Variants in COL5A1 observed in about 807,000 individuals in gnomAD.
COL5A1 encodes the protein collagen alpha-1(V) chain.
Under a neutral mutation model 263.7 loss-of-function variants are expected in COL5A1, and 16 were observed. The observed-to-expected ratio is 0.06, with a 90% CI of 0.04 to 0.09. The LOEUF is 0.09. Ranked by LOEUF, COL5A1 falls within the 10% of genes least tolerant of loss-of-function variation. The pLI is 1.00. For synonymous variants in COL5A1, 1,012 were observed against 1,004.5 expected (o/e 1.01, Z -0.14); for missense variants, 2,036 against 2,540.5 (o/e 0.80, Z 4.27).
chr9:134,830,588 T>C (rs1413460873), intron 64 of COL5A1, among the ~76,000 whole-genome samples: 1 of 152,132 alleles, frequency 6.6e-6, no homozygotes. Context: ...CAGAGCTCCT[T>C]CTAGGACCTG....
intron 10 of COL5A1, 77 bp from the exon 11 acceptor site, chr9:134,738,669 T>C: frequency 8.1e-7 from 1 of 1,241,766 alleles, no homozygotes; most frequent in South Asian, 1.2e-5. Context: ...CACCTCTGCC[T>C]TGGTTGGCCA....
rs1016547074 is a variant in COL5A1, at chr9:134,711,716, C to T, written c.654+10383C>T. Among the ~76,000 whole-genome samples the T allele has an allele frequency of 6.6e-5, 10 of 152,164 alleles. 1 individual carries two copies. The East Asian group carries it at 7.7e-4, about 12-fold the overall frequency. On this transcript the variant is annotated intron_variant, in intron 4 of 65. Coordinates refer to ENST00000371817, the MANE Select transcript of COL5A1 (RefSeq NM_000093.5). ...TCCCATACTTAGGTGAAGAGGGGCA[C>T]GGCTTGGGGTCCCGGATAGGAGGCT...
intron 11 of COL5A1, among the ~76,000 whole-genome samples, 174 bp from the exon 12 acceptor site, chr9:134,750,368 C>T (rs1835729668): frequency 6.6e-6 from 1 of 152,226 alleles, no homozygotes. Flanking sequence ...AGCCGTGCCC[C>T]TCCCTTCTCC....
At chr9:134,810,451 T>C in intron 44 of COL5A1, 143 bp downstream of exon 44, 1 of 762,014 alleles carries the variant, frequency 1.3e-6, no homozygotes, top group South Asian at 1.7e-5. Flanking sequence ...CGTGCATGTG[T>C]GTTCCCACAA....
rs1017082653 is a variant in COL5A1, at chr9:134,757,747, C to T, written c.1882-496C>T. 1.6e-4 allele frequency among the ~76,000 whole-genome samples: 25 copies of T among 152,184 alleles called. No homozygotes were observed. The highest frequency in any genetic ancestry group is 6.0e-4 in the African/African-American group (25 of 41,456). ...CCCTGTTCCCGGGCTCCAGGGCATG[C>T]AGAAGAGGGGCCGGCCAGAGAGCCA... On this transcript the variant is annotated intron_variant, in intron 17 of 65. Coordinates refer to ENST00000371817, the MANE Select transcript of COL5A1 (RefSeq NM_000093.5). This position sits in a 1 kb window ranked among gnomAD's most constrained non-coding sequence, Gnocchi z 6.2.
Position 134,805,213 on chromosome 9 carries a change from C to A in COL5A1, c.3257C>A (p.Ala1086Glu), listed in dbSNP as rs774849517. ...GGGCCCCCTGGCCCACCAGGCCCTGCGGTGAGTCAAAGCCTTTGTCCCATC... is the reference window on the plus strand; with the variant it reads ...GGGCCCCCTGGCCCACCAGGCCCTGAGGTGAGTCAAAGCCTTTGTCCCATC... Reference protein sequence around the residue: ...NEGPPGPPGPAGSPGERGPAG... With the variant: ...NEGPPGPPGPEGSPGERGPAG... Residue 1086 changes from alanine to glutamate, a missense_variant and splice_region_variant, in exon 41 of 66, where the codon GCG becomes GAG. Around this residue, in one of 3 missense-constraint regions of COL5A1, gnomAD observed 1,078 missense variants for 1,521.4 expected, o/e 0.71. Transcript: ENST00000371817. The A allele has an allele frequency of 6.2e-7, 1 of 1,613,892 alleles. No homozygotes were observed. Among genetic ancestry groups the A allele is most frequent in the Non-Finnish European group, 8.5e-7 (1 of 1,179,992 alleles).
rs1274412604 is a variant in COL5A1 at position 134,700,052 on chromosome 9, G to C, written c.421G>C (p.Glu141Gln). Residue 141 changes from glutamate to glutamine, a missense_variant, in exon 3 of 66, where the codon GAG (glutamate) becomes CAG (glutamine). By Grantham distance (29) the Glu-to-Gln change is conservative (BLOSUM62 2). Coordinates refer to ENST00000371817, the MANE Select transcript of COL5A1 (RefSeq NM_000093.5). The surrounding 1 kb of genome is among the most constrained non-coding windows in gnomAD (Gnocchi z 4.0). ...ELGRSPVFLY[E>Q]DHTGKPGPED... Reference sequence around the variant, plus strand: ...GGGCCGCTCTCCCGTCTTCCTCTACGAGGACCACACGGGGAAGCCTGGCCC... The same window carrying C: ...GGGCCGCTCTCCCGTCTTCCTCTACCAGGACCACACGGGGAAGCCTGGCCC... 6.2e-7 allele frequency: 1 copy of C among 1,613,124 alleles called. No homozygotes were observed. Among genetic ancestry groups the C allele is most frequent in the African/African-American group, 1.3e-5 (1 of 74,940 alleles).
intron 42 of COL5A1, among the ~76,000 whole-genome samples, chr9:134,807,230 G>A (rs1838327212): frequency 6.6e-6 from 1 of 152,220 alleles, no homozygotes; most frequent in East Asian, 1.9e-4. Flanking sequence ...AGGGGAATTG[G>A]CAGATAATCG....
rs998962190 is a variant in COL5A1, at chr9:134,755,176, G to T, written c.1827+850G>T. 6.6e-6 allele frequency among the ~76,000 whole-genome samples: 1 copy of T among 152,194 alleles called. No homozygotes were observed. Among genetic ancestry groups the T allele is most frequent in the South Asian group, 2.1e-4 (1 of 4,838 alleles). On this transcript the variant is annotated intron_variant, in intron 16 of 65. Coordinates refer to ENST00000371817, the MANE Select transcript of COL5A1 (RefSeq NM_000093.5). The surrounding 1 kb of genome is among the most constrained non-coding windows in gnomAD (Gnocchi z 4.1). ...ATCTGGGCATGAAACAGAGGCCTGG[G>T]CTGGATAATTCCAGGAGGATTAGCA...
chr9:134,783,870 G>A (rs1564456232), intron 29 of COL5A1, among the ~76,000 whole-genome samples: 3 of 152,202 alleles, frequency 2.0e-5, no homozygotes, highest in Non-Finnish European at 4.4e-5. Flanking sequence ...ACATCCCAGC[G>A]GCTTCTCGGT....
chr9:134,815,243 C>T (rs1444119282), intron 50 of COL5A1, among the ~76,000 whole-genome samples: 3 of 152,234 alleles, frequency 2.0e-5, no homozygotes, highest in Admixed American at 6.5e-5. Flanking sequence ...CGGAGAGGCA[C>T]ATTCCGGAAG....
At chr9:134,667,107 A>G (rs1381721710) in intron 1 of COL5A1, among the ~76,000 whole-genome samples, 3 of 152,134 alleles carry the variant, frequency 2.0e-5, no homozygotes, top group African/African-American at 7.2e-5. Flanking sequence ...ATTGCCAGGA[A>G]CCATACGACT....
At chr9:134,756,450 C>T (rs961977850) in intron 16 of COL5A1, among the ~76,000 whole-genome samples, 8 of 152,222 alleles carry the variant, frequency 5.3e-5, no homozygotes, top group East Asian at 1.9e-4. Flanking sequence ...CTCCTCCAGC[C>T]GGGTCTCCTC....
At chr9:134,831,677 T>C (rs1487314752) in intron 64 of COL5A1, among the ~76,000 whole-genome samples, 1 of 152,190 alleles carries the variant, frequency 6.6e-6, no homozygotes, top group Admixed American at 6.5e-5. Context: ...CTCCCCGCAA[T>C]GACAGCTCTC....
intron 1 of COL5A1, among the ~76,000 whole-genome samples, chr9:134,679,491 A>G (rs867774661): frequency 2.4e-3 from 12 of 4,994 alleles, no homozygotes; most frequent in African/African-American, 5.7e-3. Context: ...GGGGCTGGTT[A>G]GGGGCACTGT....
chr9:134,824,876 G>T lies in COL5A1; in HGVS notation c.4954+21G>T, dbSNP rs143914892. On this transcript the variant is annotated intron_variant, in intron 62 of 65. Transcript: ENST00000371817. ...AGATGGTGAGGGCCTGGGGGGGCAGGGGTGGCCCCCCAAAGCGGGCATGGA... is the reference window on the plus strand; with the variant it reads ...AGATGGTGAGGGCCTGGGGGGGCAGTGGTGGCCCCCCAAAGCGGGCATGGA... 1.1e-3 allele frequency: 1,820 copies of T among 1,603,050 alleles called. 21 individuals are homozygous for T. The African/African-American group carries it at 0.021, about 19-fold the overall frequency.
At position 134,730,102 on chromosome 9, in the gene COL5A1, C is replaced by T. The variant is rs1834822879; in HGVS notation, c.925-134C>T. 4.3e-5 allele frequency: 58 copies of T among 1,348,734 alleles called. No homozygotes were observed. The South Asian group carries it at 6.6e-4, about 15-fold the overall frequency. 83.5% of individuals were successfully genotyped at this position (1,348,734 alleles called of 1,614,324 possible). Reference sequence around the variant, plus strand: ...GGCGGCCCCTGCACCCAAGAGGTCTCTGGGCCTCTTGACAGGCCTGGGCTC... The same window carrying T: ...GGCGGCCCCTGCACCCAAGAGGTCTTTGGGCCTCTTGACAGGCCTGGGCTC... On this transcript the variant is annotated intron_variant, in intron 6 of 65. Transcript: ENST00000371817.
Position 134,738,168 on chromosome 9 carries a change from G to C in COL5A1, c.1390-306G>C, listed in dbSNP as rs188218083. On this transcript the variant is annotated intron_variant, in intron 9 of 65. Transcript: ENST00000371817. ...CCTTTGGGGTGATGCAGGGAGCCTG[G>C]CGGTCTCGGCTCCTTTTCCTCATCT... Among the ~76,000 whole-genome samples, 786 of 152,284 alleles carry C rather than the reference G, an allele frequency of 5.2e-3. 6 individuals carry two copies. The highest frequency in any genetic ancestry group is 0.017 in the African/African-American group (719 of 41,566).
At chr9:134,667,465 A>G (rs6537937) in intron 1 of COL5A1, among the ~76,000 whole-genome samples, 36,107 of 152,034 alleles carry the variant, frequency 0.24, 5,371 homozygotes, top group African/African-American at 0.42. Context: ...ATGGCTTGGA[A>G]GTGGTGTGGC....
Sources: allele counts gnomAD v4.1 joint callset (sites outside exome capture counted in the v4.1 genomes callset), GRCh38; gene constraint gnomAD v4.1.1; regional missense constraint gnomAD v4.1.1; non-coding constraint Gnocchi (gnomAD v3.1); transcripts MANE v1.5; gene names NCBI Gene and HGNC (gene_info 2026-07-23, HGNC 2026-07-21).